Variants in KLRG1 observed in about 807,000 individuals in gnomAD.
KLRG1 encodes the protein killer cell lectin-like receptor subfamily G member 1.
KLRG1 carries 16 observed loss-of-function variants against 21.8 expected under a neutral mutation model. The observed-to-expected ratio is 0.73, with a 90% CI of 0.50 to 1.11. The LOEUF (loss-of-function observed/expected upper bound fraction) is 1.11. KLRG1 is among the 50% of genes most tolerant of loss of function. The pLI is 0.00. For missense variants in KLRG1, 173 were observed against 218.3 expected, an observed-to-expected ratio of 0.79 and a Z score of 1.31; for synonymous variants, 69 against 75.9, an observed-to-expected ratio of 0.91 and a Z score of 0.47.
chr12:9,028,736 C>T, the KLRG1 span: 1 of 532,066 alleles, frequency 1.9e-6, no homozygotes, highest in Non-Finnish European at 3.6e-6. Flanking sequence ...GCCACCGCAC[C>T]CGGCCTCAGT....
chr12:8,975,561 C>G (rs1409734849), intron 1 of KLRG1, among the ~76,000 whole-genome samples: 1 of 150,862 alleles, frequency 6.6e-6, no homozygotes. Flanking sequence ...TTTCTTCTTT[C>G]TTTTCTTTTC....
the KLRG1 span, among the ~76,000 whole-genome samples, chr12:9,214,646 G>A: frequency 1.3e-5 from 2 of 151,792 alleles, no homozygotes; most frequent in East Asian, 1.9e-4. Context: ...GCTTAACAAA[G>A]GTTATGAGAT....
chr12:9,136,661 T>C, the KLRG1 span, among the ~76,000 whole-genome samples: 1 of 152,182 alleles, frequency 6.6e-6, no homozygotes, highest in Non-Finnish European at 1.5e-5. Flanking sequence ...ATACAAAGAT[T>C]CCAGTTTTCT....
the KLRG1 span, among the ~76,000 whole-genome samples, chr12:9,056,875 C>T: frequency 6.6e-6 from 1 of 152,156 alleles, no homozygotes; most frequent in African/African-American, 2.4e-5. Flanking sequence ...GTTTAAAGAC[C>T]ACTCAACGCT....
At chr12:9,159,248 A>G in the KLRG1 span, among the ~76,000 whole-genome samples, 1 of 152,164 alleles carries the variant, frequency 6.6e-6, no homozygotes, top group Non-Finnish European at 1.5e-5. Flanking sequence ...GTCTGGGTAT[A>G]TTGGATTAAA....
intron 3 of KLRG1, among the ~76,000 whole-genome samples, chr12:8,998,658 C>T (rs1167532938): frequency 6.7e-6 from 1 of 149,298 alleles, no homozygotes; most frequent in Non-Finnish European, 1.5e-5. Flanking sequence ...CACTGCACTC[C>T]AGCCTGGGCA....
chr12:9,093,415 T>G, the KLRG1 span: 1 of 1,275,446 alleles, frequency 7.8e-7, no homozygotes, highest in Middle Eastern at 2.2e-4. Flanking sequence ...GAGTTGAAAA[T>G]AGTCAGGGAC....
At chr12:9,116,252 C>T in the KLRG1 span, 4 of 281,984 alleles carry the variant, frequency 1.4e-5, no homozygotes, top group Non-Finnish European at 2.8e-5. Context: ...AGGAAAACTA[C>T]AATTTAAGCA....
the KLRG1 span, chr12:9,161,227 G>A: frequency 1.1e-6 from 1 of 872,176 alleles, no homozygotes. Context: ...TATGGTACTG[G>A]CCCTGCTTTG....
chr12:9,210,274 C>T, the KLRG1 span, among the ~76,000 whole-genome samples: 3 of 152,096 alleles, frequency 2.0e-5, no homozygotes, highest in Non-Finnish European at 2.9e-5. Flanking sequence ...AGTATCTTGC[C>T]TTAATTTTCA....
the KLRG1 span, among the ~76,000 whole-genome samples, chr12:9,056,132 T>C: frequency 6.6e-6 from 1 of 152,120 alleles, no homozygotes; most frequent in Non-Finnish European, 1.5e-5. Context: ...ATTCAGCAAA[T>C]TTGCTTCATC....
the KLRG1 span, chr12:9,068,747 G>T: frequency 6.3e-7 from 1 of 1,599,922 alleles, no homozygotes; most frequent in Non-Finnish European, 8.5e-7. Flanking sequence ...CACCCGTCTC[G>T]TAGTAATCAT....
At chr12:9,210,122 A>G in the KLRG1 span, among the ~76,000 whole-genome samples, 1 of 152,150 alleles carries the variant, frequency 6.6e-6, no homozygotes, top group African/African-American at 2.4e-5. Context: ...CTTGAAATCT[A>G]TCAGATTGGT....
chr12:9,154,569 A>T, the KLRG1 span: 1 of 1,551,674 alleles, frequency 6.4e-7, no homozygotes, highest in South Asian at 1.1e-5. Flanking sequence ...TAAGCCTCCC[A>T]ATTGCCAAGT....
At chr12:9,153,436 G>T in the KLRG1 span, 2 of 1,031,126 alleles carry the variant, frequency 1.9e-6, no homozygotes. Context: ...CATGAGGGAA[G>T]CTGGCTTTTT....
chr12:9,019,636 A>G, the KLRG1 span, among the ~76,000 whole-genome samples: 1 of 152,188 alleles, frequency 6.6e-6, no homozygotes, highest in Non-Finnish European at 1.5e-5. Context: ...GGATGATAGG[A>G]TGAATATGTT....
At chr12:9,120,292 C>G in the KLRG1 span, among the ~76,000 whole-genome samples, 190 of 152,058 alleles carry the variant, frequency 1.2e-3, no homozygotes, top group Middle Eastern at 0.01. Context: ...TGAACCAGTT[C>G]TATACAGTTT....
chr12:9,017,289 A>G, the KLRG1 span, among the ~76,000 whole-genome samples: 18 of 121,952 alleles, frequency 1.5e-4, no homozygotes, highest in Non-Finnish European at 3.0e-4. Flanking sequence ...AAAAAAAAAA[A>G]AGAAAAGAAA....
the KLRG1 span, among the ~76,000 whole-genome samples, chr12:9,211,054 T>C: frequency 6.6e-5 from 10 of 152,192 alleles, no homozygotes; most frequent in Non-Finnish European, 7.3e-5. Flanking sequence ...AGTGACTAAA[T>C]AGTGACAAAT....
Sources: gnomAD v4.1 joint callset for allele counts (sites outside exome capture counted in the v4.1 genomes callset) on GRCh38, gnomAD v4.1.1 for gene constraint, MANE v1.5 for transcripts, NCBI Gene and HGNC (gene_info 2026-07-23, HGNC 2026-07-21) for gene names.